Variants in MOK observed in about 807,000 individuals in gnomAD.
The protein encoded by MOK is MOK protein kinase, also known as MAPK/MAK/MRK overlapping kinase.
A neutral mutation model predicts 54.2 loss-of-function variants in MOK; 59 were observed. That is an observed-to-expected ratio of 1.09 (90% CI 0.88 to 1.35). The LOEUF (loss-of-function observed/expected upper bound fraction) is 1.35, where lower values mean the gene tolerates loss of function less well. Among genes scored for constraint, MOK ranks in the 40% most tolerant of loss-of-function variants. MOK has a pLI of 0.00. For missense variants in MOK, 517 were observed against 526.2 expected (o/e 0.98, Z 0.17); for synonymous variants, 210 against 202.7 (o/e 1.04, Z -0.31).
rs1303065123 is a variant in MOK at position 102,232,629 on chromosome 14, A to G, written c.772T>C (p.Cys258Arg). The change falls in exon 9 of 12, where the codon TGC (cysteine) becomes CGC (arginine). Residue 258 changes from cysteine (C) to arginine (R), a missense_variant. By Grantham distance (180) the Cys-to-Arg change is radical. Transcript: ENST00000361847. This position sits in a 1 kb window ranked among gnomAD's most constrained non-coding sequence, Gnocchi z 5.1. ...ACCATTGCGTGCAGGAGGGAGAGGC[A>G]TTGTGGGGACAAATTGGTTGTTAGT... is the stretch of plus-strand genomic sequence containing the variant. ...PLLTTNLSPQCLSLLHAMVAY... is the reference protein window; with the variant it reads ...PLLTTNLSPQRLSLLHAMVAY... 1.2e-6 allele frequency: 2 copies of G among 1,614,134 alleles called. No individual in the cohort carries two copies. Among genetic ancestry groups the G allele is most frequent in the Admixed American group, 1.7e-5 (1 of 60,024 alleles).
Position 102,232,236 on chromosome 14 carries a change from G to A in MOK, c.866+299C>T, listed in dbSNP as rs2064793887. 5.3e-6 allele frequency: 2 copies of A among 377,524 alleles called. No individual in the cohort carries two copies. The highest frequency in any genetic ancestry group is 8.4e-5 in the Admixed American group (2 of 23,908). 23.4% of individuals were successfully genotyped at this position (377,524 alleles called of 1,614,324 possible). A position where few individuals can be genotyped will look rare whatever the true frequency, so the allele number is the denominator to read the frequency against. The stretch of plus-strand genomic sequence containing the variant: ...CATCCTGTTCACACCATTTACAAGG[G>A]CCGCACACCAGGCTCTTCTAGAAGG... On this transcript the variant is annotated intron_variant, in intron 9 of 11. Coordinates refer to ENST00000361847, the MANE Select transcript of MOK (RefSeq NM_014226.3). The surrounding 1 kb of genome is among the most constrained non-coding windows in gnomAD (Gnocchi z 5.1).
chr14:102,266,355 A>G (rs2067906312), intron 2 of MOK, among the ~76,000 whole-genome samples: 1 of 150,396 alleles, frequency 6.6e-6, no homozygotes, highest in African/African-American at 2.4e-5. Flanking sequence ...TCCAGGCTGG[A>G]GTGCAATGGT....
At chr14:102,216,426 G>GGACC in the MOK span, among the ~76,000 whole-genome samples, 1 of 152,012 alleles carries the variant, frequency 6.6e-6, no homozygotes, top group Non-Finnish European at 1.5e-5. Context: ...TGAGTAACTG[G>GGACC]GACCATAGGC....
At position 102,259,183 on chromosome 14, in the gene MOK, A is replaced by G. The variant is rs114040018; in HGVS notation, c.283+4363T>C. 4.6e-3 allele frequency among the ~76,000 whole-genome samples: 705 copies of G among 152,302 alleles called. 6 individuals carry two copies. Among genetic ancestry groups the G allele is most frequent in the African/African-American group, 0.016 (654 of 41,572 alleles). On this transcript the variant is annotated intron_variant, in intron 4 of 11. Transcript: ENST00000361847. ...CTTGCACACTGCTGTAAAGTAGACA[A>G]TTCAATAATGGCTATGTGATCGTTC...
At position 102,228,861 on chromosome 14, in the gene MOK, A is replaced by G. The variant is rs1412552968; in HGVS notation, c.*428T>C. On this transcript the variant is annotated 3_prime_UTR_variant, in exon 12 of 12. Transcript: ENST00000361847. Reference sequence around the variant, plus strand: ...TACTGTAACGACAGCTTATTCTTTAATAAAAGTCAGGGGTGTCAGCAGCGT... The same window carrying G: ...TACTGTAACGACAGCTTATTCTTTAGTAAAAGTCAGGGGTGTCAGCAGCGT... 2 of 180,040 alleles carry G rather than the reference A, an allele frequency of 1.1e-5. No individual in the cohort carries two copies. Among genetic ancestry groups the G allele is most frequent in the East Asian group, 3.1e-4 (2 of 6,526 alleles). 11.2% of individuals were successfully genotyped at this position (180,040 alleles called of 1,614,324 possible).
rs1450413653 is a variant in MOK, at chr14:102,229,622, CTT to C, written c.1015_1016del (p.Lys339GlufsTer63). On this transcript the variant is annotated frameshift_variant, in exon 11 of 12. Transcript: ENST00000361847. LOFTEE classifies it high-confidence loss of function. ...QSLKQEEDRP[K>X]RRGPAYVMEL... ...CCATGACATAGGCCGGTCCTCGTCT[CTT>C]GGGACGGTCCTCCTCTTGCTTTAGG... The C allele has an allele frequency of 6.2e-6, 10 of 1,613,776 alleles. No homozygotes were observed. Among genetic ancestry groups the C allele is most frequent in the Middle Eastern group, 3.3e-4 (2 of 6,082 alleles).
intron 1 of MOK, among the ~76,000 whole-genome samples, chr14:102,293,862 A>C (rs948730853): frequency 6.6e-6 from 1 of 152,202 alleles, no homozygotes; most frequent in African/African-American, 2.4e-5. Flanking sequence ...ATGAATACAC[A>C]TTACTTTAAA....
intron 1 of MOK, among the ~76,000 whole-genome samples, chr14:102,303,539 T>C (rs1177869629): frequency 6.6e-6 from 1 of 152,186 alleles, no homozygotes; most frequent in Non-Finnish European, 1.5e-5. Flanking sequence ...GATTCTTGAT[T>C]GGATAGAAAA....
intron 2 of MOK, chr14:102,278,703 T>G (rs1305218815): frequency 2.2e-6 from 1 of 455,890 alleles, no homozygotes; most frequent in Non-Finnish European, 4.4e-6. Flanking sequence ...GTCTGAAAGA[T>G]GTAACAATGG....
chr14:102,261,440 T>A (rs1310581264), intron 4 of MOK, among the ~76,000 whole-genome samples: 8 of 100,204 alleles, frequency 8.0e-5, no homozygotes, highest in East Asian at 5.7e-4. Context: ...TATATATATA[T>A]ATATATATAT....
intron 2 of MOK, among the ~76,000 whole-genome samples, chr14:102,277,804 G>A (rs778863143): frequency 3.0e-4 from 45 of 152,258 alleles, no homozygotes; most frequent in Non-Finnish European, 5.9e-4. Context: ...TTGATTACAC[G>A]AGAATATCCA....
intron 2 of MOK, among the ~76,000 whole-genome samples, chr14:102,278,203 G>A (rs940316036): frequency 3.3e-5 from 5 of 152,122 alleles, no homozygotes; most frequent in Admixed American, 3.3e-4. Flanking sequence ...ATAAATGTCT[G>A]CTGTTTAAGC....
chr14:102,215,035 A>G, the MOK span: 1 of 968,338 alleles, frequency 1.0e-6, no homozygotes, highest in East Asian at 1.1e-4. Context: ...TCATTTTCAC[A>G]TCTAAGCTTT....
intron 3 of MOK, 89 bp from the exon 4 acceptor site, chr14:102,263,705 A>C: frequency 1.2e-6 from 1 of 843,472 alleles, no homozygotes; most frequent in South Asian, 1.8e-5. Flanking sequence ...AAACATTTCT[A>C]GTAAACATTA....
chr14:102,263,682 T>A, intron 3 of MOK, 66 bp from the exon 4 acceptor site: 1 of 1,102,156 alleles, frequency 9.1e-7, no homozygotes, highest in Non-Finnish European at 1.3e-6. Context: ...AATCCAATAT[T>A]TAATTCATTT....
intron 1 of MOK, among the ~76,000 whole-genome samples, chr14:102,293,426 C>T (rs945534108): frequency 4.0e-5 from 6 of 151,786 alleles, no homozygotes; most frequent in East Asian, 1.9e-4. Context: ...CAGCTGGGTG[C>T]GGTGGCTCAC....
At chr14:102,216,096 C>A in the MOK span, among the ~76,000 whole-genome samples, 5 of 152,218 alleles carry the variant, frequency 3.3e-5, no homozygotes, top group African/African-American at 1.2e-4. Context: ...CCAGCACGTT[C>A]ATCGGGTGGG....
the MOK span, among the ~76,000 whole-genome samples, chr14:102,217,454 G>T: frequency 6.6e-6 from 1 of 152,190 alleles, no homozygotes; most frequent in Non-Finnish European, 1.5e-5. Flanking sequence ...GCCAGGTTGA[G>T]TGGCATCTGG....
chr14:102,233,777 G>C lies in MOK; in HGVS notation c.603C>G (p.Leu201=), dbSNP rs1347775228. ...GGTCCAGTTCATTTACTCCAGGAAA[G>C]AGGGGCTGCAGACTGGAAGGGCAGA... ...VFYEIASLQP[L]FPGVNELDQI... is the part of the protein sequence containing the mutation. Residue 201 remains leucine (L), a synonymous_variant, in exon 8 of 12, where the codon CTC becomes CTG. Transcript: ENST00000361847. 1 of 1,613,790 alleles carries C rather than the reference G, an allele frequency of 6.2e-7. No individual in the cohort carries two copies. Among genetic ancestry groups the C allele is most frequent in the African/African-American group, 1.3e-5 (1 of 74,932 alleles).
Sources: allele counts gnomAD v4.1 joint callset (sites outside exome capture counted in the v4.1 genomes callset), GRCh38; gene constraint gnomAD v4.1.1; non-coding constraint Gnocchi (gnomAD v3.1); transcripts MANE v1.5; gene names NCBI Gene and HGNC (gene_info 2026-07-23, HGNC 2026-07-21).